SMPD4: variants seen among roughly 807,000 people sequenced by gnomAD.
The protein encoded by SMPD4 is sphingomyelin phosphodiesterase 4, also known as neutral sphingomyelinase 3.
Under a neutral mutation model 97.8 loss-of-function variants are expected in SMPD4, and 58 were observed. The ratio of observed to expected loss-of-function variants is 0.59; its 90% CI spans 0.48 to 0.74. The LOEUF is 0.74. SMPD4 is among the 30% of genes least tolerant of loss of function. The pLI is 0.00. For missense variants in SMPD4, 853 were observed against 1,080.5 expected (o/e 0.79, Z 2.95); for synonymous variants, 388 against 450.0 (o/e 0.86, Z 1.74).
At chr2:130,179,294 T>C (rs991730672) in intron 1 of SMPD4, among the ~76,000 whole-genome samples, 1 of 149,874 alleles carries the variant, frequency 6.7e-6, no homozygotes, top group Non-Finnish European at 1.5e-5. Flanking sequence ...CTAATTTTTT[T>C]GTATTTTTAG....
chr2:130,161,001 A>C (rs1321851202), intron 11 of SMPD4, among the ~76,000 whole-genome samples, 185 bp downstream of exon 11: 1 of 151,722 alleles, frequency 6.6e-6, no homozygotes, highest in Non-Finnish European at 1.5e-5. Flanking sequence ...CCCCCAACCA[A>C]ACTAGTCTAC....
At position 130,177,352 on chromosome 2, in the gene SMPD4, G is replaced by A. The variant is rs530292674; in HGVS notation, c.-45-715C>T. Reference sequence around the variant, plus strand: ...CCGCCTCAGCCTCCCAAAGTGCTGGGATTACAGGTGTGAGCCAACACGCCT... The same window carrying A: ...CCGCCTCAGCCTCCCAAAGTGCTGGAATTACAGGTGTGAGCCAACACGCCT... On this transcript the variant is annotated intron_variant, in intron 1 of 19. Coordinates refer to ENST00000680298, the MANE Select transcript of SMPD4 (RefSeq NM_017951.5). Among the ~76,000 whole-genome samples the A allele has an allele frequency of 2.0e-5, 3 of 152,208 alleles. No individual in the cohort carries two copies. In the South Asian group the frequency reaches 6.2e-4, roughly 31 times the overall value.
Position 130,179,150 on chromosome 2 carries a change from G to A in SMPD4, c.-46+2380C>T, listed in dbSNP as rs552500483. ...TTTTTTTTTTTTTTTTTGAGACAGA[G>A]TCTCGCTCTGTTGCCCAGGCTAGAG... On this transcript the variant is annotated intron_variant, in intron 1 of 19. Transcript: ENST00000680298. Among the ~76,000 whole-genome samples, 62 of 146,420 alleles carry A rather than the reference G, an allele frequency of 4.2e-4. 1 individual carries two copies. Among genetic ancestry groups the A allele is most frequent in the African/African-American group, 1.5e-3 (59 of 39,244 alleles).
At chr2:130,178,563 G>A (rs1174192439) in intron 1 of SMPD4, among the ~76,000 whole-genome samples, 7 of 152,114 alleles carry the variant, frequency 4.6e-5, no homozygotes, top group South Asian at 2.1e-4. Context: ...GGGAGGCCGC[G>A]GTGGGCAGAT....
intron 11 of SMPD4, among the ~76,000 whole-genome samples, chr2:130,159,314 G>A (rs1687163516): frequency 6.6e-6 from 1 of 151,988 alleles, no homozygotes; most frequent in Non-Finnish European, 1.5e-5. Flanking sequence ...TATCTGTATT[G>A]TTAAGTCTTT....
intron 8 of SMPD4, among the ~76,000 whole-genome samples, chr2:130,168,157 A>G (rs1343722783): frequency 6.6e-6 from 1 of 152,198 alleles, no homozygotes; most frequent in Non-Finnish European, 1.5e-5. Context: ...GTGACAAATG[A>G]TCGTACCAAC....
At chr2:130,158,055 A>T (rs2923817) in intron 11 of SMPD4, 9 of 479,198 alleles carry the variant, frequency 1.9e-5, no homozygotes, top group Non-Finnish European at 2.6e-5. Context: ...TGGGAGGATC[A>T]CTTCAGCCCA....
chr2:130,152,716 C>T lies in SMPD4; in HGVS notation c.2323G>A (p.Gly775Ser), dbSNP rs760820058. The T allele has an allele frequency of 1.6e-5, 25 of 1,583,132 alleles. No individual in the cohort carries two copies. The highest frequency in any genetic ancestry group is 2.0e-5 in the Non-Finnish European group (23 of 1,165,926). The change falls in exon 20 of 20, where the codon GGC becomes AGC. Residue 775 changes from glycine to serine, a missense_variant. Physicochemically the swap from Gly to Ser is moderately conservative, Grantham distance 56. Coordinates refer to ENST00000680298, the MANE Select transcript of SMPD4 (RefSeq NM_017951.5). ...AGCGAGACCAGCGTCCGGTAACTGC[C>T]CAGGAAGCGCAGGCTGAGCCTGGGG... Reference protein sequence around the residue: ...RGPRLSLRFLGSYRTLVSLLL... With the variant: ...RGPRLSLRFLSSYRTLVSLLL...
rs1297093991 is a variant in SMPD4, at chr2:130,173,443, CAG to C, written c.269+69_269+70del. 5.0e-6 allele frequency: 8 copies of C among 1,590,046 alleles called. No individual in the cohort carries two copies. In the East Asian group the frequency reaches 6.7e-5, roughly 13 times the overall value. On this transcript the variant is annotated intron_variant, in intron 4 of 19. Transcript: ENST00000680298. Reference sequence around the variant, plus strand: ...GATTGTTTCTTAATCTTGAGAAATTCAGAGAGTGCTTTAAAGGTGGAATCACC... The same window carrying C: ...GATTGTTTCTTAATCTTGAGAAATTCAGAGTGCTTTAAAGGTGGAATCACC...
At chr2:130,155,873 G>A (rs1686732018) in intron 14 of SMPD4, among the ~76,000 whole-genome samples, 162 bp downstream of exon 14, 1 of 152,154 alleles carries the variant, frequency 6.6e-6, no homozygotes, top group African/African-American at 2.4e-5. Flanking sequence ...GAAAAGGCTG[G>A]TCTGTGTTCC....
chr2:130,179,839 G>C (rs1204645744), intron 1 of SMPD4, among the ~76,000 whole-genome samples: 1 of 151,728 alleles, frequency 6.6e-6, no homozygotes, highest in Non-Finnish European at 1.5e-5. Flanking sequence ...ATTTTTAGTA[G>C]AGATGGGGTT....
At chr2:130,177,294 C>T (rs1689064648) in intron 1 of SMPD4, among the ~76,000 whole-genome samples, 1 of 152,188 alleles carries the variant, frequency 6.6e-6, no homozygotes, top group African/African-American at 2.4e-5. Flanking sequence ...GTTGCTTAGA[C>T]TGCTCTTGAA....
intron 8 of SMPD4, 125 bp downstream of exon 8, chr2:130,172,224 G>A (rs1449079465): frequency 3.6e-6 from 4 of 1,105,786 alleles, no homozygotes; most frequent in African/African-American, 3.2e-5. Flanking sequence ...TGGGGATGGG[G>A]AATGAGGCAT....
intron 12 of SMPD4, 99 bp downstream of exon 12, chr2:130,157,152 C>T (rs1419104032): frequency 2.7e-6 from 4 of 1,463,254 alleles, no homozygotes; most frequent in African/African-American, 1.4e-5. Flanking sequence ...CTCCCCTCAC[C>T]CTGCCCTCCA....
At position 130,161,193 on chromosome 2, in the gene SMPD4, G is replaced by C; in HGVS notation, c.944C>G (p.Ala315Gly). ...PAQPSLQALH[A>G]YQESFTPTEE... ...GAACGAATGAGCCAGTACTTGGTAG[G>C]CGTGGAGGGCCTGGAGGCTGGGTTG... is the stretch of plus-strand genomic sequence containing the variant. Residue 315 changes from alanine (A) to glycine (G), a missense_variant, in exon 11 of 20, where the codon GCC (alanine) becomes GGC (glycine). Ala to Gly is a moderately conservative substitution (Grantham distance 60). Transcript: ENST00000680298. 6.2e-7 allele frequency: 1 copy of C among 1,613,156 alleles called. No homozygotes were observed. Among genetic ancestry groups the C allele is most frequent in the South Asian group, 1.1e-5 (1 of 91,042 alleles).
chr2:130,156,918 C>T (rs201592052), intron 12 of SMPD4: 31 of 1,118,182 alleles, frequency 2.8e-5, no homozygotes, highest in East Asian at 7.9e-5. Flanking sequence ...CCTCACCCTC[C>T]GTCCCATACA....
Position 130,172,485 on chromosome 2 carries a change from G to C in SMPD4, c.523C>G (p.Leu175Val). The C allele has an allele frequency of 2.5e-6, 4 of 1,611,520 alleles. No individual in the cohort carries two copies. Among genetic ancestry groups the C allele is most frequent in the Non-Finnish European group, 2.5e-6 (3 of 1,178,300 alleles). ...LITQKPLPVS[L>V]HVRTSDCAYF... ...GCACAGTCTGAAGTACGGACGTGGAGGGACACAGGAAGTGGCTGGAAAACC... is the reference window on the plus strand; with the variant it reads ...GCACAGTCTGAAGTACGGACGTGGACGGACACAGGAAGTGGCTGGAAAACC... The change falls in exon 8 of 20, where the codon CTC (leucine) becomes GTC (valine). Residue 175 changes from leucine (L) to valine (V), a missense_variant. By Grantham distance (32) the Leu-to-Val change is conservative. Coordinates refer to ENST00000680298, the MANE Select transcript of SMPD4 (RefSeq NM_017951.5).
chr2:130,172,736 C>T (rs750279788), intron 6 of SMPD4, 51 bp downstream of exon 6: 2 of 1,614,170 alleles, frequency 1.2e-6, no homozygotes, highest in Non-Finnish European at 1.7e-6. Flanking sequence ...CGCTCAGTGT[C>T]AAGTGCTGGG....
chr2:130,175,057 T>G (rs1427653446), intron 2 of SMPD4, 57 bp from the exon 3 acceptor site: 1 of 1,238,302 alleles, frequency 8.1e-7, no homozygotes, highest in African/African-American at 1.5e-5. Flanking sequence ...CAGCTTTTAG[T>G]GGCACTCTGG....
Sources: allele counts gnomAD v4.1 joint callset (sites outside exome capture counted in the v4.1 genomes callset), GRCh38; gene constraint gnomAD v4.1.1; transcripts MANE v1.5; gene names NCBI Gene and HGNC (gene_info 2026-07-23, HGNC 2026-07-21).